PLEKHG1: variants seen among roughly 807,000 people sequenced by gnomAD.
The protein encoded by PLEKHG1 is pleckstrin homology and RhoGEF domain containing G1, also known as pleckstrin homology domain-containing family G member 1.
A neutral mutation model predicts 100.8 loss-of-function variants in PLEKHG1; 44 were observed. The ratio of observed to expected loss-of-function variants is 0.44; its 90% confidence interval spans 0.34 to 0.56. PLEKHG1 has a LOEUF of 0.56. Among genes scored for constraint, PLEKHG1 ranks in the 20% least tolerant of loss-of-function variants. The pLI is 0.01. For synonymous variants in PLEKHG1, 640 were observed against 662.5 expected, an observed-to-expected ratio of 0.97 and a Z score of 0.52; for missense variants, 1,545 against 1,720.9, an observed-to-expected ratio of 0.90 and a Z score of 1.81.
chr6:150,731,530 T>C (rs1782257689), intron 1 of PLEKHG1, among the ~76,000 whole-genome samples: 1 of 152,266 alleles, frequency 6.6e-6, no homozygotes, highest in Non-Finnish European at 1.5e-5. Context: ...AAAATATTAG[T>C]ACCAACTGTT....
At chr6:150,804,667 A>G (rs1786945776) in exon 7 of PLEKHG1, 4 of 1,613,706 alleles carry the variant, frequency 2.5e-6, no homozygotes, top group Non-Finnish European at 3.4e-6. Context: ...GCTTGATGCT[A>G]TAGACACAAT....
At position 150,727,128 on chromosome 6, in the gene PLEKHG1, C is replaced by A. The variant is rs1272700846; in HGVS notation, c.-99+5928C>A. On this transcript the variant is annotated intron_variant, in intron 1 of 15. Transcript: ENST00000358517. ...TTCAGCTACTCATTGGTACTGAACA[C>A]AGCACATTCTCTTGATTTCCATGGT... Among the ~76,000 whole-genome samples the A allele has an allele frequency of 2.0e-5, 3 of 152,282 alleles. No homozygotes were observed. The South Asian group carries it at 6.2e-4, about 32-fold the overall frequency.
chr6:150,819,116 ATTTTT>A (rs56049606), intron 11 of PLEKHG1, among the ~76,000 whole-genome samples: 2 of 133,070 alleles, frequency 1.5e-5, no homozygotes, highest in African/African-American at 2.8e-5. Flanking sequence ...TTGCCTTCGG[ATTTTT>A]TTTTTTTTTT....
chr6:150,772,898 G>A (rs1254275072), intron 3 of PLEKHG1, among the ~76,000 whole-genome samples: 1 of 152,136 alleles, frequency 6.6e-6, no homozygotes, highest in Non-Finnish European at 1.5e-5. Context: ...TTGTATAGGA[G>A]TTCTTGATGA....
intron 1 of PLEKHG1, among the ~76,000 whole-genome samples, chr6:150,614,788 A>C (rs1377818741): frequency 6.6e-6 from 1 of 152,172 alleles, no homozygotes; most frequent in African/African-American, 2.4e-5. Flanking sequence ...TTACAGTCTT[A>C]CTTCTGGTCA....
chr6:150,791,211 T>A (rs985184548), intron 4 of PLEKHG1, among the ~76,000 whole-genome samples: 1 of 152,100 alleles, frequency 6.6e-6, no homozygotes, highest in Non-Finnish European at 1.5e-5. Flanking sequence ...GCAATCTATG[T>A]TTTAACAGTC....
intron 3 of PLEKHG1, among the ~76,000 whole-genome samples, chr6:150,712,491 C>T (rs1781276182): frequency 6.6e-6 from 1 of 152,174 alleles, no homozygotes; most frequent in Non-Finnish European, 1.5e-5. Flanking sequence ...CATATTTTAG[C>T]TTCTTCCTCT....
At chr6:150,833,023 C>T (rs1337824937) in intron 15 of PLEKHG1, among the ~76,000 whole-genome samples, 2 of 147,640 alleles carry the variant, frequency 1.4e-5, no homozygotes, top group African/African-American at 5.0e-5. Context: ...GGTTTTCTCA[C>T]ATATCTCCAT....
intron 2 of PLEKHG1, among the ~76,000 whole-genome samples, chr6:150,739,082 T>TAAGATTTGG (rs1782715333): frequency 1.3e-5 from 2 of 152,196 alleles, no homozygotes; most frequent in Admixed American, 1.3e-4. Context: ...GAGAACCTCA[T>TAAGATTTGG]AAGATTTGGC....
At chr6:150,613,075 C>T (rs1465350072) in intron 1 of PLEKHG1, among the ~76,000 whole-genome samples, 21 of 152,182 alleles carry the variant, frequency 1.4e-4, no homozygotes, top group Admixed American at 1.4e-3. Context: ...TCATCTCCTG[C>T]TCCTCTCCTG....
intron 3 of PLEKHG1, among the ~76,000 whole-genome samples, chr6:150,656,786 G>A (rs140863721): frequency 6.6e-6 from 1 of 152,332 alleles, no homozygotes; most frequent in African/African-American, 2.4e-5. Flanking sequence ...TGGGTTACAG[G>A]AAGAAATATG....
chr6:150,756,968 A>G (rs1025001328), intron 2 of PLEKHG1, among the ~76,000 whole-genome samples: 2 of 152,088 alleles, frequency 1.3e-5, no homozygotes, highest in Non-Finnish European at 2.9e-5. Flanking sequence ...TAAGTAAAGT[A>G]TATGATAATT....
rs79596384 is a variant in PLEKHG1 at position 150,831,254 on chromosome 6, G to C, written c.2143G>C (p.Ala715Pro). ...TGGCCACAGTAAGGGCTCTCTTTAC[G>C]CACAAACAGATGGCACCCTCTCAGG... Residue 715 changes from alanine (A) to proline (P), a missense_variant, in exon 15 of 16, where the codon GCA becomes CCA. Transcript: ENST00000358517. The surrounding 1 kb of genome is among the most constrained non-coding windows in gnomAD (Gnocchi z 4.1). The C allele has an allele frequency of 5.0e-6, 8 of 1,614,052 alleles. No individual in the cohort carries two copies. The highest frequency in any genetic ancestry group is 6.8e-6 in the Non-Finnish European group (8 of 1,179,998).
At chr6:150,640,912 G>T (rs1457928918) in intron 2 of PLEKHG1, among the ~76,000 whole-genome samples, 1 of 152,202 alleles carries the variant, frequency 6.6e-6, no homozygotes, top group East Asian at 1.9e-4. Context: ...TGAATATTTA[G>T]ATCAGAAAGT....
At chr6:150,686,428 A>G (rs1780132950) in intron 3 of PLEKHG1, among the ~76,000 whole-genome samples, 1 of 152,198 alleles carries the variant, frequency 6.6e-6, no homozygotes, top group Non-Finnish European at 1.5e-5. Flanking sequence ...TAGCAAGGAA[A>G]ATAGTCTGAG....
At chr6:150,830,644 T>G in exon 15 of PLEKHG1, 2 of 1,613,094 alleles carry the variant, frequency 1.2e-6, no homozygotes, top group Non-Finnish European at 1.7e-6. Flanking sequence ...CCCAGAGAAA[T>G]AGTCAGCCTA....
chr6:150,699,586 T>C (rs1387240382), intron 3 of PLEKHG1, among the ~76,000 whole-genome samples: 1 of 152,160 alleles, frequency 6.6e-6, no homozygotes. Context: ...TTAGGAACAG[T>C]GACATTGAGA....
intron 1 of PLEKHG1, chr6:150,624,555 C>G (rs1777433791): frequency 6.6e-6 from 1 of 152,206 alleles, no homozygotes; most frequent in Admixed American, 6.5e-5. Context: ...CGTGATGGCT[C>G]CTGGAGGCAT....
intron 10 of PLEKHG1, among the ~76,000 whole-genome samples, chr6:150,811,686 C>T (rs1390822506): frequency 6.7e-6 from 1 of 148,268 alleles, no homozygotes; most frequent in Non-Finnish European, 1.5e-5. Context: ...GGCGCACAGA[C>T]GGTGCCAGGA....
Sources: gnomAD v4.1 joint callset for allele counts (sites outside exome capture counted in the v4.1 genomes callset) on GRCh38, gnomAD v4.1.1 for gene constraint, Gnocchi (gnomAD v3.1) non-coding constraint, MANE v1.5 for transcripts, NCBI Gene and HGNC (gene_info 2026-07-23, HGNC 2026-07-21) for gene names.